Variants in NCAPD2 observed in about 807,000 individuals in gnomAD.
The protein encoded by NCAPD2 is non-SMC condensin I complex subunit D2.
Under a neutral mutation model 164.5 loss-of-function variants are expected in NCAPD2, and 100 were observed. The ratio of observed to expected loss-of-function variants is 0.61; its 90% CI spans 0.52 to 0.72. The LOEUF (loss-of-function observed/expected upper bound fraction) is 0.72. NCAPD2 is among the 30% of genes least tolerant of loss of function. The pLI, the probability that NCAPD2 is intolerant of heterozygous loss-of-function variation, is 0.00. For missense variants in NCAPD2, 1,560 were observed against 1,749.2 expected, an observed-to-expected ratio of 0.89 and a Z score of 1.93; for synonymous variants, 585 against 642.6, an observed-to-expected ratio of 0.91 and a Z score of 1.36.
chr12:6,528,904 G>A lies in NCAPD2; in HGVS notation c.3478-41G>A. On this transcript the variant is annotated intron_variant, in intron 26 of 31. Coordinates refer to ENST00000315579, the MANE Select transcript of NCAPD2 (RefSeq NM_014865.4). This position sits in a 1 kb window ranked among gnomAD's most constrained non-coding sequence, Gnocchi z 5.1. ...GGGCTGGCTGCAGAGGGAATCTGTA[G>A]GTCACCTCATCTCCTTAACATGGCT... 1 of 1,613,782 alleles carries A rather than the reference G, an allele frequency of 6.2e-7. No individual in the cohort carries two copies. The highest frequency in any genetic ancestry group is 8.5e-7 in the Non-Finnish European group (1 of 1,179,684).
At chr12:6,509,653 G>A (rs1946127779) in intron 2 of NCAPD2, 64 bp from the exon 3 acceptor site, 1 of 1,447,142 alleles carries the variant, frequency 6.9e-7, no homozygotes, top group East Asian at 2.3e-5. Flanking sequence ...TTTCTGCCAT[G>A]GATAGAATTT....
Position 6,528,337 on chromosome 12 carries a change from C to T in NCAPD2, c.3299+9C>T. 6.2e-7 allele frequency: 1 copy of T among 1,613,344 alleles called. No homozygotes were observed. Among genetic ancestry groups the T allele is most frequent in the Non-Finnish European group, 8.5e-7 (1 of 1,179,952 alleles). ...CCTCATCTGTATGCTCGGTAAGAGA[C>T]CCCTCACAACGTGGTGGCAGTTCCC... On this transcript the variant is annotated intron_variant, in intron 25 of 31. Coordinates refer to ENST00000315579, the MANE Select transcript of NCAPD2 (RefSeq NM_014865.4). This position sits in a 1 kb window ranked among gnomAD's most constrained non-coding sequence, Gnocchi z 5.1.
chr12:6,500,064 A>G (rs1038810710), intron 2 of NCAPD2, among the ~76,000 whole-genome samples: 4 of 152,112 alleles, frequency 2.6e-5, no homozygotes, highest in African/African-American at 7.2e-5. Context: ...CAGGGGCTGC[A>G]GTGAGCCATG....
At position 6,531,610 on chromosome 12, in the gene NCAPD2, A is replaced by G; in HGVS notation, c.*198A>G. The G allele has an allele frequency of 1.9e-6, 2 of 1,050,238 alleles. No individual in the cohort carries two copies. Among genetic ancestry groups the G allele is most frequent in the Non-Finnish European group, 1.4e-6 (1 of 737,678 alleles). 65.1% of individuals were successfully genotyped at this position (1,050,238 alleles called of 1,614,324 possible). A position where few individuals can be genotyped will look rare whatever the true frequency, so the allele number is the denominator to read the frequency against. ...AACCTGAGGTAGGGAGTTCGAGACC[A>G]GCCTGACCAACATGGAGAAACCCCA... On this transcript the variant is annotated 3_prime_UTR_variant, in exon 32 of 32. Transcript: ENST00000315579. This position sits in a 1 kb window ranked among gnomAD's most constrained non-coding sequence, Gnocchi z 4.1.
rs553569714 is a variant in NCAPD2 at position 6,525,357 on chromosome 12, C to T, written c.2215-226C>T. ...CACGTGGAACTCAAAAGGTCAGTTTCGATATGTCACTTGAATAAAATAGTT... is the reference window on the plus strand; with the variant it reads ...CACGTGGAACTCAAAAGGTCAGTTTTGATATGTCACTTGAATAAAATAGTT... On this transcript the variant is annotated intron_variant, in intron 17 of 31. Transcript: ENST00000315579. Among the ~76,000 whole-genome samples, 11 of 152,092 alleles carry T rather than the reference C, an allele frequency of 7.2e-5. No individual in the cohort carries two copies. The East Asian group carries it at 1.7e-3, about 24-fold the overall frequency.
At position 6,530,825 on chromosome 12, in the gene NCAPD2, A is replaced by G. The variant is rs1946364703; in HGVS notation, c.3964+8A>G. ...CCAAGAAACCATCCACTGGTACGTA[A>G]GGCAGCCTGTGCGGGCGAGACCAGA... On this transcript the variant is annotated splice_region_variant and intron_variant, in intron 30 of 31. Coordinates refer to ENST00000315579, the MANE Select transcript of NCAPD2 (RefSeq NM_014865.4). 6.2e-7 allele frequency: 1 copy of G among 1,614,186 alleles called. No homozygotes were observed. The highest frequency in any genetic ancestry group is 8.5e-7 in the Non-Finnish European group (1 of 1,180,030).
Position 6,498,311 on chromosome 12 carries a change from A to G in NCAPD2, c.127+3086A>G, listed in dbSNP as rs142570244. On this transcript the variant is annotated intron_variant, in intron 2 of 31. Coordinates refer to ENST00000315579, the MANE Select transcript of NCAPD2 (RefSeq NM_014865.4). ...TAAGATCAAATCATTTAATTCATTT[A>G]ACAAGTATTTACTGATCATGTGCTG... 9.2e-5 allele frequency among the ~76,000 whole-genome samples: 14 copies of G among 152,340 alleles called. No individual in the cohort carries two copies. The East Asian group carries it at 2.7e-3, about 29-fold the overall frequency.
intron 5 of NCAPD2, 46 bp downstream of exon 5, chr12:6,510,856 A>G: frequency 6.3e-7 from 1 of 1,577,250 alleles, no homozygotes; most frequent in South Asian, 1.1e-5. Context: ...CTGGGGAGAT[A>G]GGGGAATAGA....
In NCAPD2 at chr12:6,517,607, T is replaced by C. The variant is rs757382797; in HGVS notation, c.1332T>C (p.Ala444=). 8 of 1,614,268 alleles carry C rather than the reference T, an allele frequency of 5.0e-6. No individual in the cohort carries two copies. The South Asian group carries it at 8.8e-5, about 18-fold the overall frequency. ...NNPFSCKLSD[A]DLAGPLQKET... ...ATTTTACCTGATAGCTTAGTGATGC[T>C]GACCTTGCCGGACCACTGCAGAAGG... is the stretch of plus-strand genomic sequence containing the variant. Residue 444 remains alanine (A), a synonymous_variant, in exon 12 of 32, where the codon GCT becomes GCC. Transcript: ENST00000315579.
intron 2 of NCAPD2, among the ~76,000 whole-genome samples, chr12:6,501,650 G>A (rs962520818): frequency 9.9e-5 from 15 of 152,206 alleles, no homozygotes; most frequent in Non-Finnish European, 1.3e-4. Flanking sequence ...AATACTCAGC[G>A]TGTAGACAGC....
intron 2 of NCAPD2, among the ~76,000 whole-genome samples, chr12:6,508,311 G>A (rs1946115425): frequency 6.6e-6 from 1 of 152,072 alleles, no homozygotes; most frequent in Non-Finnish European, 1.5e-5. Context: ...ATTCTGGCCT[G>A]GGCAACAAAG....
At chr12:6,510,166 G>A (rs747095224) in intron 4 of NCAPD2, 33 bp downstream of exon 4, 2 of 1,569,084 alleles carry the variant, frequency 1.3e-6, no homozygotes, top group East Asian at 2.2e-5. Context: ...GGGATGGAAG[G>A]TGTTTGTTAT....
chr12:6,528,924 A>G lies in NCAPD2; in HGVS notation c.3478-21A>G, dbSNP rs1163574476. 1 of 1,613,778 alleles carries G rather than the reference A, an allele frequency of 6.2e-7. No individual in the cohort carries two copies. The highest frequency in any genetic ancestry group is 2.2e-5 in the East Asian group (1 of 44,882). ...CTGTAGGTCACCTCATCTCCTTAAC[A>G]TGGCTCTCTCTGTCTTACAGGGCAA... On this transcript the variant is annotated intron_variant, in intron 26 of 31. Transcript: ENST00000315579. The surrounding 1 kb of genome is among the most constrained non-coding windows in gnomAD (Gnocchi z 5.1).
chr12:6,530,374 T>C (rs1372610178), intron 29 of NCAPD2, among the ~76,000 whole-genome samples: 1 of 152,190 alleles, frequency 6.6e-6, no homozygotes. Context: ...CCTAAAGTCA[T>C]GGTTTACCTT....
intron 6 of NCAPD2, among the ~76,000 whole-genome samples, chr12:6,513,715 C>CTTTTTTTGTTTTTTTTTTTTTTTTT (rs1946172066): frequency 1.3e-5 from 1 of 74,892 alleles, no homozygotes; most frequent in Non-Finnish European, 2.5e-5. Context: ...GTGACTTTGT[C>CTTTTTTTGTTTTTTTTTTTTTTTTT]TTTTTTTTTT....
intron 16 of NCAPD2, 88 bp from the exon 17 acceptor site, chr12:6,523,174 A>G: frequency 1.4e-6 from 2 of 1,478,230 alleles, no homozygotes; most frequent in Non-Finnish European, 1.9e-6. Flanking sequence ...GCAGTTTTGT[A>G]GCACTGTGGT....
rs56183938 is a variant in NCAPD2 at position 6,518,504 on chromosome 12, GTTTT to G, written c.1589+572_1589+575del. Among the ~76,000 whole-genome samples, 31 of 44,772 alleles carry G rather than the reference GTTTT, an allele frequency of 6.9e-4. No individual in the cohort carries two copies. The East Asian group carries it at 0.011, about 17-fold the overall frequency. 29.4% of individuals were successfully genotyped at this position (44,772 alleles called of 152,430 possible). A position where few individuals can be genotyped will look rare whatever the true frequency, so the allele number is the denominator to read the frequency against. On this transcript the variant is annotated intron_variant, in intron 13 of 31. Transcript: ENST00000315579. ...CAAAAGCCCTTACAGCCGTCAACAA[GTTTT>G]TTTTTTTTTTTTTTTTTTTTTTTTT...
Position 6,510,082 on chromosome 12 carries a change from C to G in NCAPD2, c.211C>G (p.Arg71Gly). The G allele has an allele frequency of 6.2e-7, 1 of 1,613,034 alleles. No individual in the cohort carries two copies. The highest frequency in any genetic ancestry group is 8.5e-7 in the Non-Finnish European group (1 of 1,179,008). ...DTIYSILHHF[R>G]SIDPGLKEDT... Reference sequence around the variant, plus strand: ...ACTTTCTTTCCCTCATAGTCACTTTCGAAGTATAGATCCTGGCCTCAAAGA... The same window carrying G: ...ACTTTCTTTCCCTCATAGTCACTTTGGAAGTATAGATCCTGGCCTCAAAGA... Residue 71 changes from arginine (R) to glycine (G), a missense_variant, in exon 4 of 32, where the codon CGA becomes GGA. Transcript: ENST00000315579.
rs753042003 is a variant in NCAPD2, at chr12:6,528,922, A to G, written c.3478-23A>G. On this transcript the variant is annotated intron_variant, in intron 26 of 31. Transcript: ENST00000315579. The surrounding 1 kb of genome is among the most constrained non-coding windows in gnomAD (Gnocchi z 5.1). ...ATCTGTAGGTCACCTCATCTCCTTA[A>G]CATGGCTCTCTCTGTCTTACAGGGC... 1.4e-5 allele frequency: 23 copies of G among 1,613,968 alleles called. No individual in the cohort carries two copies. Among genetic ancestry groups the G allele is most frequent in the Non-Finnish European group, 1.7e-5 (20 of 1,179,888 alleles).
Sources: gnomAD v4.1 joint callset for allele counts (sites outside exome capture counted in the v4.1 genomes callset) on GRCh38, gnomAD v4.1.1 for gene constraint, Gnocchi (gnomAD v3.1) non-coding constraint, MANE v1.5 for transcripts, NCBI Gene and HGNC (gene_info 2026-07-23, HGNC 2026-07-21) for gene names.